Variants in EDIL3 observed in about 807,000 individuals in gnomAD.
EDIL3 encodes the protein EGF like and discoidin domains 3, also known as EGF-like repeat and discoidin I-like domain-containing protein 3.
Under a neutral mutation model 67.4 loss-of-function variants are expected in EDIL3, and 37 were observed. That is an observed-to-expected ratio of 0.55 (90% CI 0.42 to 0.72). EDIL3 has a LOEUF of 0.72. Among genes scored for constraint, EDIL3 ranks in the 30% least tolerant of loss-of-function variants. EDIL3 has a pLI of 0.00. For synonymous variants in EDIL3, 195 were observed against 196.3 expected, an observed-to-expected ratio of 0.99 and a Z score of 0.05; for missense variants, 527 against 586.3, an observed-to-expected ratio of 0.90 and a Z score of 1.04.
chr5:84,038,907 A>G (rs995634714), intron 9 of EDIL3, among the ~76,000 whole-genome samples: 1 of 152,198 alleles, frequency 6.6e-6, no homozygotes, highest in Non-Finnish European at 1.5e-5. Flanking sequence ...AATAACTCAC[A>G]TGGCACTTAA....
intron 1 of EDIL3, among the ~76,000 whole-genome samples, chr5:84,256,255 G>T (rs557596324): frequency 6.6e-6 from 1 of 152,050 alleles, no homozygotes; most frequent in East Asian, 1.9e-4. Context: ...AGTACCTATT[G>T]CATGGTAGGC....
chr5:84,072,652 T>G (rs1746760772), intron 6 of EDIL3, among the ~76,000 whole-genome samples: 1 of 152,136 alleles, frequency 6.6e-6, no homozygotes, highest in African/African-American at 2.4e-5. Context: ...AAACTGATGT[T>G]GGCAAAAAGT....
chr5:84,108,060 G>T (rs1003688099), intron 5 of EDIL3, among the ~76,000 whole-genome samples: 1 of 151,368 alleles, frequency 6.6e-6, no homozygotes, highest in Non-Finnish European at 1.5e-5. Context: ...CTTGATTGGT[G>T]ATTATGACCA....
chr5:84,085,107 C>T (rs1209634409), intron 6 of EDIL3, among the ~76,000 whole-genome samples: 2 of 152,246 alleles, frequency 1.3e-5, no homozygotes, highest in East Asian at 1.9e-4. Flanking sequence ...AACATACAAA[C>T]ATGTGGGTTA....
At chr5:84,316,331 T>C (rs1746511009) in intron 1 of EDIL3, among the ~76,000 whole-genome samples, 1 of 151,480 alleles carries the variant, frequency 6.6e-6, no homozygotes, top group Non-Finnish European at 1.5e-5. Flanking sequence ...GGATAAAGAG[T>C]CAAGACCCAT....
At chr5:84,327,416 C>T (rs1201692839) in intron 1 of EDIL3, among the ~76,000 whole-genome samples, 2 of 151,676 alleles carry the variant, frequency 1.3e-5, no homozygotes, top group Non-Finnish European at 2.9e-5. Flanking sequence ...TCATTTGTGC[C>T]TTTTTCATGC....
intron 3 of EDIL3, among the ~76,000 whole-genome samples, chr5:84,216,093 A>G (rs1411313778): frequency 6.6e-6 from 1 of 152,166 alleles, no homozygotes; most frequent in Non-Finnish European, 1.5e-5. Context: ...TATATTTTTT[A>G]AATGAAGCTA....
chr5:84,158,524 G>A (rs1430484257), intron 4 of EDIL3, among the ~76,000 whole-genome samples: 2 of 151,894 alleles, frequency 1.3e-5, no homozygotes, highest in Non-Finnish European at 1.5e-5. Context: ...GAAATACATC[G>A]ATTTCTAAAA....
intron 9 of EDIL3, among the ~76,000 whole-genome samples, chr5:84,053,377 C>T (rs1472615409): frequency 6.6e-6 from 1 of 151,924 alleles, no homozygotes; most frequent in African/African-American, 2.4e-5. Flanking sequence ...AAATTGACAC[C>T]CTAACATCAC....
rs993093974 is a variant in EDIL3 at position 83,967,105 on chromosome 5, G to C, written c.1138-3745C>G. Among the ~76,000 whole-genome samples, 22 of 152,186 alleles carry C rather than the reference G, an allele frequency of 1.4e-4. 1 individual carries two copies. The highest frequency in any genetic ancestry group is 1.4e-3 in the Admixed American group (22 of 15,268). On this transcript the variant is annotated intron_variant, in intron 9 of 10. Coordinates refer to ENST00000296591, the MANE Select transcript of EDIL3 (RefSeq NM_005711.5). ...TGGGAGGCCGAGAGGCAGATGGTTT[G>C]AGCTTAGGAGTTCAAGACCAGCCTG...
intron 4 of EDIL3, among the ~76,000 whole-genome samples, chr5:84,156,020 C>T (rs750461516): frequency 2.8e-4 from 42 of 152,244 alleles, no homozygotes; most frequent in Middle Eastern, 3.4e-3. Context: ...CTGTCCTGTA[C>T]GGAGGACTGA....
At chr5:84,045,344 G>A (rs1358031148) in intron 9 of EDIL3, among the ~76,000 whole-genome samples, 2 of 152,116 alleles carry the variant, frequency 1.3e-5, no homozygotes, top group African/African-American at 4.8e-5. Context: ...AGAAGTCAGG[G>A]GAGGAGAGCA....
chr5:83,987,928 GTTA>G (rs1457137379), intron 9 of EDIL3, among the ~76,000 whole-genome samples: 2 of 147,238 alleles, frequency 1.4e-5, no homozygotes, highest in Non-Finnish European at 3.0e-5. Context: ...CTCAACATTA[GTTA>G]TTATATCAAT....
At chr5:84,319,919 CAT>C (rs997241586) in intron 1 of EDIL3, among the ~76,000 whole-genome samples, 6 of 152,042 alleles carry the variant, frequency 3.9e-5, no homozygotes, top group African/African-American at 1.4e-4. Context: ...CCAAACACCA[CAT>C]GTTTTCACTC....
intron 1 of EDIL3, among the ~76,000 whole-genome samples, chr5:84,369,052 T>C (rs184726648): frequency 1.3e-4 from 20 of 151,910 alleles, no homozygotes; most frequent in Admixed American, 1.3e-3. Context: ...AAAAACACTA[T>C]GAAAGTTCCT....
chr5:84,373,598 A>C (rs1393945838), intron 1 of EDIL3, among the ~76,000 whole-genome samples: 1 of 152,198 alleles, frequency 6.6e-6, no homozygotes, highest in Non-Finnish European at 1.5e-5. Context: ...AGATTTCATA[A>C]AGCAACAATG....
At position 83,998,004 on chromosome 5, in the gene EDIL3, C is replaced by G. The variant is rs146358264; in HGVS notation, c.1138-34644G>C. Among the ~76,000 whole-genome samples the G allele has an allele frequency of 4.1e-3, 623 of 152,254 alleles. 8 individuals are homozygous for G. Among genetic ancestry groups the G allele is most frequent in the African/African-American group, 0.013 (560 of 41,552 alleles). On this transcript the variant is annotated intron_variant, in intron 9 of 10. Transcript: ENST00000296591. Reference sequence around the variant, plus strand: ...GAACCTGAGTTCCTGTTAGACCCAACACTGCAAGCTAAAGTACTCTGGGAT... The same window carrying G: ...GAACCTGAGTTCCTGTTAGACCCAAGACTGCAAGCTAAAGTACTCTGGGAT...
intron 4 of EDIL3, among the ~76,000 whole-genome samples, chr5:84,157,803 G>A (rs972760154): frequency 2.0e-5 from 3 of 151,934 alleles, no homozygotes; most frequent in African/African-American, 7.3e-5. Context: ...ACTTCTTGTA[G>A]AGATGTAGTA....
intron 5 of EDIL3, among the ~76,000 whole-genome samples, chr5:84,120,372 G>A (rs1747754748): frequency 2.0e-5 from 3 of 151,954 alleles, no homozygotes; most frequent in Admixed American, 2.0e-4. Flanking sequence ...CCTCAGCATT[G>A]CCTAGCACTT....
Sources: allele counts gnomAD v4.1 joint callset (sites outside exome capture counted in the v4.1 genomes callset), GRCh38; gene constraint gnomAD v4.1.1; transcripts MANE v1.5; gene names NCBI Gene and HGNC (gene_info 2026-07-23, HGNC 2026-07-21).